KRABD4: variants seen among roughly 807,000 people sequenced by gnomAD.
KRABD4 encodes KRAB domain-containing protein 4.
At chrX:46,460,829 A>G in the KRABD4 span, among the ~76,000 whole-genome samples, 1 of 108,078 alleles carries the variant, frequency 9.3e-6, no homozygotes, top group Non-Finnish European at 1.9e-5. Flanking sequence ...AGGCATGATC[A>G]TCATTGGCCC....
chrX:46,474,546 C>T, the KRABD4 span: 1 of 111,962 alleles, frequency 8.9e-6, no homozygotes, highest in East Asian at 2.8e-4. Flanking sequence ...GTCTAACACA[C>T]ATTTAAAAAG....
chrX:46,450,557 C>A, the KRABD4 span: 1 of 858,483 alleles, frequency 1.2e-6, no homozygotes, highest in Non-Finnish European at 1.7e-6. Flanking sequence ...TTGAAAATAC[C>A]AATTATCCCC....
At chrX:46,449,500 T>C in the KRABD4 span, among the ~76,000 whole-genome samples, 1 of 112,432 alleles carries the variant, frequency 8.9e-6, no homozygotes, top group African/African-American at 3.2e-5. Flanking sequence ...AAAATGCAAA[T>C]AAAAGAAGAA....
the KRABD4 span, chrX:46,456,580 A>C: frequency 7.5e-6 from 2 of 264,904 alleles, no homozygotes; most frequent in African/African-American, 5.8e-5. Context: ...CATACTCTCA[A>C]AGCTCTTATG....
the KRABD4 span, among the ~76,000 whole-genome samples, chrX:46,466,686 A>G: frequency 8.9e-6 from 1 of 112,419 alleles, no homozygotes; most frequent in African/African-American, 3.2e-5. Flanking sequence ...ATAATTTTCT[A>G]TATGTGTTTT....
chrX:46,450,395 C>T, the KRABD4 span: 1 of 950,448 alleles, frequency 1.1e-6, no homozygotes, highest in Non-Finnish European at 1.5e-6. Context: ...AATGGCTGTA[C>T]CTACCGAATG....
chrX:46,459,989 T>G, the KRABD4 span, among the ~76,000 whole-genome samples: 1 of 111,899 alleles, frequency 8.9e-6, no homozygotes, highest in South Asian at 3.7e-4. Flanking sequence ...TGCCCTGACT[T>G]GAGATGCCAG....
chrX:46,463,620 A>T, the KRABD4 span, among the ~76,000 whole-genome samples: 340 of 111,605 alleles, frequency 3.0e-3, 1 homozygote, highest in African/African-American at 0.011. Flanking sequence ...GAAGCTTTTA[A>T]GACTTATTCT....
chrX:46,454,640 A>G, the KRABD4 span, among the ~76,000 whole-genome samples: 1 of 110,344 alleles, frequency 9.1e-6, no homozygotes, highest in African/African-American at 3.3e-5. Flanking sequence ...CGTCTCTACT[A>G]AAAATACAAA....
chrX:46,461,113 C>T, the KRABD4 span, among the ~76,000 whole-genome samples: 2 of 108,297 alleles, frequency 1.8e-5, no homozygotes, highest in Non-Finnish European at 3.8e-5. Flanking sequence ...TGACATTACT[C>T]CAGATAAAAT....
the KRABD4 span, among the ~76,000 whole-genome samples, chrX:46,462,190 A>T: frequency 8.9e-5 from 10 of 112,211 alleles, no homozygotes; most frequent in Non-Finnish European, 1.9e-4. Context: ...TGCCAAACTG[A>T]CTAGTGACTG....
At chrX:46,453,679 T>C in the KRABD4 span, among the ~76,000 whole-genome samples, 4 of 112,039 alleles carry the variant, frequency 3.6e-5, no homozygotes, top group African/African-American at 9.7e-5. Context: ...AAATAAAATG[T>C]AAACAACTTG....
chrX:46,470,046 C>G, the KRABD4 span, among the ~76,000 whole-genome samples: 9 of 111,037 alleles, frequency 8.1e-5, no homozygotes, highest in Non-Finnish European at 1.5e-4. Context: ...GTTCATCCCC[C>G]CAACCAAACT....
chrX:46,459,498 T>C, the KRABD4 span, among the ~76,000 whole-genome samples: 1 of 111,066 alleles, frequency 9.0e-6, no homozygotes, highest in South Asian at 3.8e-4. Context: ...AAATCTCTAA[T>C]CCATCTGTAA....
the KRABD4 span, chrX:46,472,946 A>G: frequency 8.3e-7 from 1 of 1,211,688 alleles, no homozygotes; most frequent in Non-Finnish European, 1.1e-6. Flanking sequence ...ATTCGTGGGA[A>G]AAGGCATTCA....
chrX:46,463,283 G>C, the KRABD4 span: 4 of 1,210,573 alleles, frequency 3.3e-6, no homozygotes, highest in Non-Finnish European at 4.5e-6. Context: ...CCCCGGTACG[G>C]ACCTGTGCAG....
At chrX:46,455,184 C>T in the KRABD4 span, 524 of 1,070,769 alleles carry the variant, frequency 4.9e-4, no homozygotes, top group Non-Finnish European at 6.1e-4. Context: ...ATAACCACTT[C>T]TGCCTTTCTG....
At chrX:46,453,729 C>T in the KRABD4 span, among the ~76,000 whole-genome samples, 4 of 111,800 alleles carry the variant, frequency 3.6e-5, no homozygotes, top group East Asian at 1.1e-3. Context: ...TGCAAGAATA[C>T]AGTAAAAAAG....
chrX:46,455,270 GTCTT>G, the KRABD4 span: 22 of 835,863 alleles, frequency 2.6e-5, no homozygotes, highest in East Asian at 5.3e-4. Context: ...TCGTGCTTCT[GTCTT>G]TCTTTGTCTT....
Sources: gnomAD v4.1 joint callset for allele counts (sites outside exome capture counted in the v4.1 genomes callset) on GRCh38, gnomAD v4.1.1 for gene constraint, MANE v1.5 for transcripts, NCBI Gene and HGNC (gene_info 2026-07-23, HGNC 2026-07-21) for gene names.